The following NAF1 variants were observed in gnomAD, a reference collection of about 807,000 sequenced individuals.
The protein encoded by NAF1 is H/ACA ribonucleoprotein complex non-core subunit NAF1.
Under a neutral mutation model 40.6 loss-of-function variants are expected in NAF1, and 11 were observed. The observed-to-expected ratio is 0.27, with a 90% CI of 0.17 to 0.45. The LOEUF (loss-of-function observed/expected upper bound fraction) is 0.45, where lower values mean the gene tolerates loss of function less well. Among genes scored for constraint, NAF1 ranks in the 20% least tolerant of loss-of-function variants. The pLI is 1.00. For synonymous variants in NAF1, 260 were observed against 228.5 expected (o/e 1.14, Z -1.24); for missense variants, 607 against 611.1 (o/e 0.99, Z 0.07).
intron 3 of NAF1, 134 bp downstream of exon 3, chr4:163,148,207 C>T: frequency 2.3e-6 from 1 of 426,906 alleles, no homozygotes; most frequent in East Asian, 3.6e-5. Context: ...GAATTTTATC[C>T]CTTCAAACTT....
chr4:163,128,306 C>T (rs924723088), downstream of NAF1, among the ~76,000 whole-genome samples: 4 of 152,054 alleles, frequency 2.6e-5, no homozygotes, highest in African/African-American at 9.7e-5. Context: ...TTATTTTGCA[C>T]AGATAATGGA....
chr4:163,129,049 G>C lies in NAF1; in HGVS notation c.1333C>G (p.Pro445Ala), dbSNP rs1265007663. The C allele has an allele frequency of 6.5e-7, 1 of 1,540,894 alleles. No homozygotes were observed. Among genetic ancestry groups the C allele is most frequent in the Non-Finnish European group, 8.8e-7 (1 of 1,140,610 alleles). Reference sequence around the variant, plus strand: ...GTAGCCCAACCCATGTTTACAGGTGGGGGTGGTGGTGGGGGTGGAGGGCGG... The same window carrying C: ...GTAGCCCAACCCATGTTTACAGGTGCGGGTGGTGGTGGGGGTGGAGGGCGG... Reference protein sequence around the residue: ...PLRPPPPPPPPPVNMGWATPN... With the variant: ...PLRPPPPPPPAPVNMGWATPN... The change falls in exon 8 of 8, where the codon CCA becomes GCA. Residue 445 changes from proline (P) to alanine (A), a missense_variant. Physicochemically the swap from Pro to Ala is conservative, Grantham distance 27. This residue lies in a region of NAF1 where 189 missense variants were observed against 216.6 expected (regional missense o/e 0.87). Coordinates refer to ENST00000274054, the MANE Select transcript of NAF1 (RefSeq NM_138386.3).
At chr4:163,164,421 G>C (rs550246349) in intron 1 of NAF1, 30 bp from the exon 2 acceptor site, 4 of 1,438,464 alleles carry the variant, frequency 2.8e-6, no homozygotes, top group East Asian at 2.6e-5. Context: ...TAAAAAAATA[G>C]TCCAGTATTA....
At chr4:163,116,770 G>A (rs1252782560) in intron 2 of NAF1, among the ~76,000 whole-genome samples, 2 of 152,166 alleles carry the variant, frequency 1.3e-5, no homozygotes, top group African/African-American at 2.4e-5. Context: ...TCACAAAATT[G>A]TTGTGAAGAT....
At chr4:163,145,929 C>T in intron 3 of NAF1, 65 bp from the exon 4 acceptor site, 2 of 864,952 alleles carry the variant, frequency 2.3e-6, no homozygotes, top group East Asian at 2.8e-5. Flanking sequence ...TAATGAAAAT[C>T]TAAGCTTTAA....
downstream of NAF1, among the ~76,000 whole-genome samples, chr4:163,107,108 T>A (rs558043832): frequency 1.3e-5 from 2 of 152,230 alleles, no homozygotes; most frequent in African/African-American, 4.8e-5. Flanking sequence ...TGCCTTAGCC[T>A]CCCGAGTAGC....
At chr4:163,165,624 C>A (rs1392844097) in intron 1 of NAF1, among the ~76,000 whole-genome samples, 1 of 152,212 alleles carries the variant, frequency 6.6e-6, no homozygotes, top group Non-Finnish European at 1.5e-5. Context: ...AAACTTCTCA[C>A]CTCCTCAACA....
chr4:163,144,509 C>T (rs926489531), intron 4 of NAF1, among the ~76,000 whole-genome samples: 1 of 152,096 alleles, frequency 6.6e-6, no homozygotes, highest in Non-Finnish European at 1.5e-5. Flanking sequence ...CTAAAAGGTA[C>T]TCAGTTTCAT....
intron 6 of NAF1, 45 bp downstream of exon 6, chr4:163,137,154 C>T: frequency 6.2e-7 from 1 of 1,605,228 alleles, no homozygotes; most frequent in African/African-American, 1.3e-5. Context: ...AAGATTAAGT[C>T]CTGCCCTACT....
At chr4:163,161,391 T>G (rs547975868) in intron 2 of NAF1, among the ~76,000 whole-genome samples, 3 of 152,094 alleles carry the variant, frequency 2.0e-5, no homozygotes, top group African/African-American at 7.2e-5. Context: ...AAGAATAGCT[T>G]GAGCCCAGGA....
chr4:163,116,243 A>G (rs555718935), intron 2 of NAF1, among the ~76,000 whole-genome samples: 11 of 152,246 alleles, frequency 7.2e-5, no homozygotes, highest in African/African-American at 1.2e-4. Flanking sequence ...TGGTGTATAC[A>G]TAAGTGAAAC....
intron 3 of NAF1, among the ~76,000 whole-genome samples, chr4:163,146,118 A>C (rs1207589204): frequency 6.6e-6 from 1 of 152,214 alleles, no homozygotes; most frequent in Non-Finnish European, 1.5e-5. Flanking sequence ...CCCACAGAAA[A>C]TCTGAATCAT....
chr4:163,131,122 C>T (rs1033867922), intron 7 of NAF1, among the ~76,000 whole-genome samples: 3 of 152,186 alleles, frequency 2.0e-5, no homozygotes, highest in South Asian at 4.1e-4. Flanking sequence ...CTGCCTGCCT[C>T]GGCCTCCCAA....
rs529748340 is a variant in NAF1, at chr4:163,130,178, T to C, written c.1034-830A>G. Among the ~76,000 whole-genome samples, 5 of 152,122 alleles carry C rather than the reference T, an allele frequency of 3.3e-5. No individual in the cohort carries two copies. The East Asian group carries it at 9.7e-4, about 29-fold the overall frequency. Reference sequence around the variant, plus strand: ...GATCCATGGTCTTGTAATATAATACTCAATATACCCAGGTTGCAATAAAAG... The same window carrying C: ...GATCCATGGTCTTGTAATATAATACCCAATATACCCAGGTTGCAATAAAAG... On this transcript the variant is annotated intron_variant, in intron 7 of 7. Transcript: ENST00000274054.
intron 4 of NAF1, among the ~76,000 whole-genome samples, chr4:163,142,350 A>C (rs1731294624): frequency 6.6e-6 from 1 of 152,358 alleles, no homozygotes; most frequent in South Asian, 2.1e-4. Flanking sequence ...TACAAGGTAA[A>C]ATAATCATCG....
chr4:163,131,364 G>T (rs1730867442), intron 7 of NAF1, among the ~76,000 whole-genome samples: 1 of 152,084 alleles, frequency 6.6e-6, no homozygotes. Flanking sequence ...CTGCATTCTA[G>T]CCTGGGCAAC....
In NAF1 at chr4:163,131,426, A is replaced by G. The variant is rs532202665; in HGVS notation, c.1033+1728T>C. ...CAAAAACAAAAACAAAAACAAAAAA[A>G]CCTCAGCAAGACATTTGTTGATGTA... On this transcript the variant is annotated intron_variant, in intron 7 of 7. Transcript: ENST00000274054. Among the ~76,000 whole-genome samples, 4 of 152,256 alleles carry G rather than the reference A, an allele frequency of 2.6e-5. No homozygotes were observed. In the South Asian group the frequency reaches 8.3e-4, roughly 32 times the overall value.
chr4:163,128,192 T>C (rs1314025980), downstream of NAF1, among the ~76,000 whole-genome samples: 3 of 152,172 alleles, frequency 2.0e-5, no homozygotes, highest in African/African-American at 7.2e-5. Flanking sequence ...GGAAAACAAA[T>C]ATGGAAGACA....
rs1354516566 is a variant in NAF1, at chr4:163,128,975, G to A, written c.1407C>T (p.Pro469=). 1 of 1,475,874 alleles carries A rather than the reference G, an allele frequency of 6.8e-7. No individual in the cohort carries two copies. The highest frequency in any genetic ancestry group is 9.3e-7 in the Non-Finnish European group (1 of 1,073,506). 91.4% of individuals were successfully genotyped at this position (1,475,874 alleles called of 1,614,324 possible). A position where few individuals can be genotyped will look rare whatever the true frequency, so the allele number is the denominator to read the frequency against. The change falls in exon 8 of 8, where the codon CCC becomes CCT. Residue 469 remains proline (P), a synonymous_variant. Transcript: ENST00000274054. The part of the protein sequence containing the change: ...HPLLNLPYSL[P]PPPPPPPLPP... ...GCAGTGGTGGAGGGGGAGGGGGTGG[G>A]GGTAGGGAGTATGGTAAGTTAAGTA...
Sources: allele counts gnomAD v4.1 joint callset (sites outside exome capture counted in the v4.1 genomes callset), GRCh38; gene constraint gnomAD v4.1.1; regional missense constraint gnomAD v4.1.1; transcripts MANE v1.5; gene names NCBI Gene and HGNC (gene_info 2026-07-23, HGNC 2026-07-21).